The following ERN1 variants were observed in gnomAD, a reference collection of about 807,000 sequenced individuals.
ERN1 encodes endoplasmic reticulum to nucleus signaling 1, also known as serine/threonine-protein kinase/endoribonuclease IRE1.
ERN1 carries 39 observed loss-of-function variants against 113.1 expected under a neutral mutation model. The observed-to-expected ratio is 0.34, with a 90% CI of 0.27 to 0.45. The LOEUF (loss-of-function observed/expected upper bound fraction) is 0.45. Among genes scored for constraint, ERN1 ranks in the 20% least tolerant of loss-of-function variants. The probability of loss-of-function intolerance (pLI) is 1.00; values close to 1 mark genes in which losing one functional copy is unlikely to be tolerated. For missense variants in ERN1, 976 were observed against 1,274.8 expected (o/e 0.77, Z 3.57); for synonymous variants, 507 against 515.9 (o/e 0.98, Z 0.23).
chr17:64,124,098 C>T (rs1027861748), intron 1 of ERN1, among the ~76,000 whole-genome samples: 28 of 152,270 alleles, frequency 1.8e-4, no homozygotes, highest in African/African-American at 5.5e-4. Flanking sequence ...TAGGTAATAA[C>T]GAGTATCAGT....
At chr17:64,093,737 C>A (rs1335977974) in intron 2 of ERN1, among the ~76,000 whole-genome samples, 2 of 152,196 alleles carry the variant, frequency 1.3e-5, no homozygotes, top group Non-Finnish European at 2.9e-5. Context: ...AGGGCCAGGG[C>A]TTCAGCTTAT....
intron 1 of ERN1, among the ~76,000 whole-genome samples, chr17:64,119,855 G>T (rs1169119978): frequency 6.6e-6 from 1 of 152,074 alleles, no homozygotes; most frequent in East Asian, 1.9e-4. Flanking sequence ...CCAGGATTAA[G>T]GTACAAAAAT....
chr17:64,122,304 G>A (rs1455797863), intron 1 of ERN1, among the ~76,000 whole-genome samples: 1 of 152,156 alleles, frequency 6.6e-6, no homozygotes, highest in African/African-American at 2.4e-5. Context: ...TAATGCCTGA[G>A]AGAGGGTGCC....
At chr17:64,080,718 T>C (rs1001048755) in intron 3 of ERN1, 57 bp downstream of exon 3, 1 of 1,538,884 alleles carries the variant, frequency 6.5e-7, no homozygotes, top group Non-Finnish European at 8.9e-7. Flanking sequence ...TCATAAACAC[T>C]GATTGAATGA....
intron 11 of ERN1, 104 bp downstream of exon 11, chr17:64,060,365 C>A: frequency 1.3e-6 from 1 of 760,502 alleles, no homozygotes. Context: ...TTCCTCTTCC[C>A]TCCCAGACTA....
rs1315703327 is a variant in ERN1 at position 64,066,908 on chromosome 17, C to A, written c.605G>T (p.Gly202Val). Residue 202 changes from glycine (G) to valine (V), a missense_variant, in exon 8 of 22, where the codon GGT (glycine) becomes GTT (valine). Around this residue, in one of 5 missense-constraint regions of ERN1, gnomAD observed 459 missense variants for 581.2 expected, o/e 0.79. Transcript: ENST00000433197. ...DYKMSHFVSN[G>V]DGLVVTVDSE... is the part of the protein sequence containing the mutation. ...GTCCACAGTCACCACCAGCCCATCA[C>A]CATTGGACACAAAGTGGGACATCTC... 2.5e-6 allele frequency: 4 copies of A among 1,613,742 alleles called. No homozygotes were observed. The African/African-American group carries it at 5.3e-5, about 22-fold the overall frequency.
At chr17:64,086,636 C>CTTTTTTTTTTTTTTT (rs1913935030) in intron 2 of ERN1, among the ~76,000 whole-genome samples, 1 of 64,598 alleles carries the variant, frequency 1.5e-5, no homozygotes, top group Admixed American at 2.0e-4. Flanking sequence ...TCTTTTCTTT[C>CTTTTTTTTTTTTTTT]CTTTTTTTTT....
intron 1 of ERN1, among the ~76,000 whole-genome samples, chr17:64,101,225 A>G (rs1476022543): frequency 2.0e-5 from 3 of 152,180 alleles, no homozygotes; most frequent in Non-Finnish European, 2.9e-5. Flanking sequence ...CCTGGCCAAC[A>G]TGGCGAAACC....
Position 64,094,095 on chromosome 17 carries a change from G to A in ERN1, c.175+4026C>T, listed in dbSNP as rs1303876842. On this transcript the variant is annotated intron_variant, in intron 2 of 21. Coordinates refer to ENST00000433197, the MANE Select transcript of ERN1 (RefSeq NM_001433.5). ...GGCCAAAACCCTTTACTAATTATCC[G>A]AGGCTATAGCCTGTTTTACACATAA... 3.3e-5 allele frequency among the ~76,000 whole-genome samples: 5 copies of A among 152,304 alleles called. No individual in the cohort carries two copies. In the South Asian group the frequency reaches 8.3e-4, roughly 25 times the overall value.
intron 17 of ERN1, among the ~76,000 whole-genome samples, chr17:64,051,157 G>A (rs369127226): frequency 1.0e-4 from 15 of 143,948 alleles, no homozygotes; most frequent in South Asian, 4.3e-4. Flanking sequence ...TAGCGATTAA[G>A]AAAAAAAAAA....
At chr17:64,084,330 A>G (rs1913860272) in intron 2 of ERN1, among the ~76,000 whole-genome samples, 1 of 152,180 alleles carries the variant, frequency 6.6e-6, no homozygotes, top group South Asian at 2.1e-4. Context: ...TTCGATGCCA[A>G]CCATAATTCT....
chr17:64,065,292 G>A lies in ERN1; in HGVS notation c.843-5C>T, dbSNP rs1170097152. 6.3e-7 allele frequency: 1 copy of A among 1,588,018 alleles called. No homozygotes were observed. Among genetic ancestry groups the A allele is most frequent in the Admixed American group, 1.8e-5 (1 of 56,984 alleles). ...TTCCCAACATACAGAGTGGGCCTAG[G>A]AGAAAAACAGATACATGCATTCCAG... On this transcript the variant is annotated splice_polypyrimidine_tract_variant and splice_region_variant and intron_variant, in intron 8 of 21. Transcript: ENST00000433197.
intron 11 of ERN1, among the ~76,000 whole-genome samples, chr17:64,059,533 G>A (rs555606460): frequency 1.1e-3 from 163 of 152,226 alleles, no homozygotes; most frequent in Non-Finnish European, 1.8e-3. Flanking sequence ...TCCTCCACCG[G>A]CTCTGTGCCC....
At chr17:64,111,382 T>G (rs1317278876) in intron 1 of ERN1, among the ~76,000 whole-genome samples, 1 of 150,062 alleles carries the variant, frequency 6.7e-6, no homozygotes, top group Non-Finnish European at 1.5e-5. Flanking sequence ...TGAGACAGAG[T>G]TTGACTCTTG....
intron 1 of ERN1, among the ~76,000 whole-genome samples, chr17:64,105,869 C>A (rs948516096): frequency 7.0e-6 from 1 of 142,118 alleles, no homozygotes; most frequent in Non-Finnish European, 1.6e-5. Flanking sequence ...GCAGGAGAAT[C>A]GATTGAACCT....
At chr17:64,122,454 G>A (rs1960401698) in intron 1 of ERN1, among the ~76,000 whole-genome samples, 1 of 152,172 alleles carries the variant, frequency 6.6e-6, no homozygotes, top group South Asian at 2.1e-4. Flanking sequence ...GCAGTCTAAT[G>A]CACTCTGATT....
At position 64,079,590 on chromosome 17, in the gene ERN1, C is replaced by T. The variant is rs1056035537; in HGVS notation, c.282+72G>A. 3.3e-5 allele frequency: 40 copies of T among 1,219,972 alleles called. No individual in the cohort carries two copies. In the Middle Eastern group the frequency reaches 6.2e-4, roughly 19 times the overall value. 75.6% of individuals were successfully genotyped at this position (1,219,972 alleles called of 1,614,324 possible). On this transcript the variant is annotated intron_variant, in intron 4 of 21. Transcript: ENST00000433197. Reference sequence around the variant, plus strand: ...GCTCCAGGTGGGAGACACAGTAAGACACTGTGCAGACACACTTAAGGACCG... The same window carrying T: ...GCTCCAGGTGGGAGACACAGTAAGATACTGTGCAGACACACTTAAGGACCG...
At chr17:64,065,620 G>A (rs7220928) in intron 8 of ERN1, among the ~76,000 whole-genome samples, 13,469 of 152,052 alleles carry the variant, frequency 0.089, 662 homozygotes, top group African/African-American at 0.11. Flanking sequence ...TACTACCACC[G>A]CCGAGGCCCC....
At chr17:64,065,407 G>C (rs1913189598) in intron 8 of ERN1, 120 bp from the exon 9 acceptor site, 1 of 684,674 alleles carries the variant, frequency 1.5e-6, no homozygotes. Context: ...CCCAGACATG[G>C]AGGAACGCAG....
Sources: allele counts gnomAD v4.1 joint callset (sites outside exome capture counted in the v4.1 genomes callset), GRCh38; gene constraint gnomAD v4.1.1; regional missense constraint gnomAD v4.1.1; transcripts MANE v1.5; gene names NCBI Gene and HGNC (gene_info 2026-07-23, HGNC 2026-07-21).